Variants in CWF19L2 observed in about 807,000 individuals in gnomAD.
CWF19L2 encodes the protein CWF19-like protein 2.
A neutral mutation model predicts 111.7 loss-of-function variants in CWF19L2; 98 were observed. The ratio of observed to expected loss-of-function variants is 0.88; its 90% confidence interval spans 0.75 to 1.04. The LOEUF (loss-of-function observed/expected upper bound fraction) is 1.04. Among genes scored for constraint, CWF19L2 ranks in the 50% least tolerant of loss-of-function variants. CWF19L2 has a pLI of 0.00. For missense variants in CWF19L2, 1,101 were observed against 1,051.4 expected, an observed-to-expected ratio of 1.05 and a Z score of -0.65; for synonymous variants, 351 against 342.9, an observed-to-expected ratio of 1.02 and a Z score of -0.26.
chr11:107,410,702 A>G (rs1207658416), intron 10 of CWF19L2, among the ~76,000 whole-genome samples: 2 of 152,204 alleles, frequency 1.3e-5, no homozygotes, highest in African/African-American at 4.8e-5. Flanking sequence ...TAGCCTGTCA[A>G]TTATTCAGTC....
At chr11:107,381,894 C>CT (rs1027495691) in intron 12 of CWF19L2, among the ~76,000 whole-genome samples, 70 of 152,192 alleles carry the variant, frequency 4.6e-4, no homozygotes, top group African/African-American at 1.4e-3. Context: ...ATAAAATCAT[C>CT]TTTTTTTAAT....
intron 9 of CWF19L2, among the ~76,000 whole-genome samples, chr11:107,416,518 T>C (rs1284085353): frequency 6.6e-6 from 1 of 152,174 alleles, no homozygotes; most frequent in Non-Finnish European, 1.5e-5. Flanking sequence ...CAAAGATAAA[T>C]AATTATAAGG....
chr11:107,412,104 C>T (rs1348575891), intron 10 of CWF19L2, among the ~76,000 whole-genome samples: 1 of 152,124 alleles, frequency 6.6e-6, no homozygotes. Flanking sequence ...AAAAATGTGC[C>T]TGATTCAGGA....
chr11:107,429,557 G>T, intron 7 of CWF19L2, 106 bp from the exon 8 acceptor site: 1 of 801,836 alleles, frequency 1.2e-6, no homozygotes, highest in Non-Finnish European at 1.9e-6. Flanking sequence ...ACACTGAAAA[G>T]CCCACTAACG....
chr11:107,404,650 T>C (rs1248357634), intron 10 of CWF19L2: 4 of 474,238 alleles, frequency 8.4e-6, no homozygotes, highest in African/African-American at 2.0e-5. Flanking sequence ...CCCCAACAGA[T>C]ACTTAAAACT....
intron 14 of CWF19L2, among the ~76,000 whole-genome samples, chr11:107,343,603 T>C (rs1470099733): frequency 2.4e-5 from 2 of 84,326 alleles, no homozygotes; most frequent in Non-Finnish European, 6.4e-5. Context: ...TCTATTTTTA[T>C]TTTTTTTGTT....
At chr11:107,375,282 C>T (rs1379907087) in intron 12 of CWF19L2, among the ~76,000 whole-genome samples, 2 of 135,084 alleles carry the variant, frequency 1.5e-5, no homozygotes, top group African/African-American at 5.9e-5. Flanking sequence ...TAATATACAT[C>T]TACAGAACTC....
chr11:107,391,139 T>G (rs1860840712), intron 11 of CWF19L2, among the ~76,000 whole-genome samples: 1 of 152,198 alleles, frequency 6.6e-6, no homozygotes, highest in Non-Finnish European at 1.5e-5. Context: ...GGACTTGGAC[T>G]GGCTTCCTTG....
rs371168289 is a variant in CWF19L2 at position 107,353,613 on chromosome 11, G to A, written c.1996C>T (p.Arg666Trp). The change falls in exon 13 of 18, where the codon CGG becomes TGG. Residue 666 changes from arginine to tryptophan, a missense_variant. Arg to Trp is a moderately radical substitution (Grantham distance 101). Coordinates refer to ENST00000282251, the MANE Select transcript of CWF19L2 (RefSeq NM_152434.3). ...TTTTCCATTTGTGCAGCAAGACTCC[G>A]ATGCTCAGCAATAGCTTTTTTCCTT... Reference protein sequence around the residue: ...NQRKKAIAEHRSLAAQMEKCL... With the variant: ...NQRKKAIAEHWSLAAQMEKCL... 15 of 1,613,712 alleles carry A rather than the reference G, an allele frequency of 9.3e-6. No homozygotes were observed. The highest frequency in any genetic ancestry group is 2.2e-5 in the South Asian group (2 of 91,072).
chr11:107,330,063 A>C lies in CWF19L2; in HGVS notation c.2440-44T>G, dbSNP rs1257112938. 4 of 1,247,334 alleles carry C rather than the reference A, an allele frequency of 3.2e-6. No individual in the cohort carries two copies. In the Admixed American group the frequency reaches 1.1e-4, roughly 33 times the overall value. 77.3% of individuals were successfully genotyped at this position (1,247,334 alleles called of 1,614,324 possible). On this transcript the variant is annotated intron_variant, in intron 16 of 17. Coordinates refer to ENST00000282251, the MANE Select transcript of CWF19L2 (RefSeq NM_152434.3). ...CACAAATGGAATACAGTATGAAACCAGAAAGTTATGTTTAATCCCTCCCCT... is the reference window on the plus strand; with the variant it reads ...CACAAATGGAATACAGTATGAAACCCGAAAGTTATGTTTAATCCCTCCCCT...
chr11:107,443,366 C>T (rs1422571909), intron 3 of CWF19L2, among the ~76,000 whole-genome samples: 2 of 151,942 alleles, frequency 1.3e-5, no homozygotes, highest in Non-Finnish European at 2.9e-5. Context: ...GCCTGTAATC[C>T]CAGCTGCTCA....
At chr11:107,448,316 G>T (rs11212244) in intron 3 of CWF19L2, among the ~76,000 whole-genome samples, 3,856 of 122,088 alleles carry the variant, frequency 0.032, 97 homozygotes, top group East Asian at 0.12. Context: ...CTGCACTCCC[G>T]CCTGGCAACA....
intron 7 of CWF19L2, among the ~76,000 whole-genome samples, chr11:107,432,179 A>G (rs189849501): frequency 2.4e-4 from 36 of 152,380 alleles, no homozygotes; most frequent in African/African-American, 8.2e-4. Context: ...AGAAATCTGA[A>G]CAGATTTATT....
At chr11:107,346,571 G>A (rs566770360) in intron 14 of CWF19L2, among the ~76,000 whole-genome samples, 9 of 152,188 alleles carry the variant, frequency 5.9e-5, no homozygotes, top group Non-Finnish European at 1.0e-4. Flanking sequence ...ACTTATGGAC[G>A]TGGAGGTGAA....
At chr11:107,390,261 G>A in intron 11 of CWF19L2, 50 bp from the exon 12 acceptor site, 3 of 1,412,330 alleles carry the variant, frequency 2.1e-6, no homozygotes, top group African/African-American at 1.5e-5. Flanking sequence ...AGTCTCTGAA[G>A]TATTTCTTGA....
chr11:107,403,126 G>A lies in CWF19L2; in HGVS notation c.1618-10231C>T, dbSNP rs961007908. Among the ~76,000 whole-genome samples, 3 of 148,366 alleles carry A rather than the reference G, an allele frequency of 2.0e-5. No homozygotes were observed. In the East Asian group the frequency reaches 6.1e-4, roughly 30 times the overall value. The stretch of plus-strand genomic sequence containing the variant: ...AGGGAAAGAGTGTGAAGGGGGTGAG[G>A]GATAAAAGACTACAAATATGGTCCA... On this transcript the variant is annotated intron_variant, in intron 10 of 17. Transcript: ENST00000282251.
intron 6 of CWF19L2, among the ~76,000 whole-genome samples, chr11:107,434,093 G>GA (rs1437268791): frequency 6.6e-6 from 1 of 151,404 alleles, no homozygotes; most frequent in Non-Finnish European, 1.5e-5. Context: ...TAGAAAGTAG[G>GA]AGGTCAGGGA....
intron 12 of CWF19L2, among the ~76,000 whole-genome samples, chr11:107,360,904 G>T (rs1355247181): frequency 2.0e-5 from 3 of 152,106 alleles, no homozygotes; most frequent in Non-Finnish European, 4.4e-5. Context: ...TGCATATTTT[G>T]CAAATATTTT....
intron 10 of CWF19L2, among the ~76,000 whole-genome samples, chr11:107,408,022 T>C (rs1010675692): frequency 6.6e-6 from 1 of 151,916 alleles, no homozygotes; most frequent in Non-Finnish European, 1.5e-5. Context: ...TAGTCATAAA[T>C]AGAATAGCTT....
Sources: gnomAD v4.1 joint callset for allele counts (sites outside exome capture counted in the v4.1 genomes callset) on GRCh38, gnomAD v4.1.1 for gene constraint, MANE v1.5 for transcripts, NCBI Gene and HGNC (gene_info 2026-07-23, HGNC 2026-07-21) for gene names.